LGR5: variants seen among roughly 807,000 people sequenced by gnomAD.
LGR5 encodes leucine-rich repeat-containing G protein-coupled receptor 5.
In LGR5, 54 loss-of-function variants were observed where a neutral mutation model predicts 76.7. That is an observed-to-expected ratio of 0.70 (90% CI 0.57 to 0.88). The LOEUF (loss-of-function observed/expected upper bound fraction) is 0.88, where lower values mean the gene tolerates loss of function less well. Among genes scored for constraint, LGR5 ranks in the 40% least tolerant of loss-of-function variants. The pLI is 0.00. For missense variants in LGR5, 1,078 were observed against 1,073.3 expected (o/e 1.00, Z -0.06); for synonymous variants, 406 against 421.9 (o/e 0.96, Z 0.46).
intron 4 of LGR5, among the ~76,000 whole-genome samples, chr12:71,540,091 T>C (rs1876798152): frequency 6.6e-6 from 1 of 152,352 alleles, no homozygotes; most frequent in South Asian, 2.1e-4. Flanking sequence ...AGTGATTTGA[T>C]GGAAACTCAA....
chr12:71,466,177 GT>G (rs1463429904), intron 1 of LGR5, among the ~76,000 whole-genome samples: 2 of 152,120 alleles, frequency 1.3e-5, no homozygotes, highest in African/African-American at 4.8e-5. Flanking sequence ...CAGTTTTTTT[GT>G]TTGTATTTTT....
chr12:71,476,623 AT>A (rs1224570214), intron 1 of LGR5, among the ~76,000 whole-genome samples: 1 of 152,170 alleles, frequency 6.6e-6, no homozygotes, highest in Non-Finnish European at 1.5e-5. Flanking sequence ...ATCTTGACAC[AT>A]TACCACAGCC....
In LGR5 at chr12:71,440,096, C is replaced by T. The variant is rs781084434; in HGVS notation, c.16C>T (p.Leu6Phe). MDTSRLGVLLSLPVLL... is the reference protein window; with the variant it reads MDTSRFGVLLSLPVLL... ...TTCGGGCACCATGGACACCTCCCGG[C>T]TCGGTGTGCTCCTGTCCTTGCCTGT... The change falls in exon 1 of 18, where the codon CTC (leucine) becomes TTC (phenylalanine). Residue 6 changes from leucine (L) to phenylalanine (F), a missense_variant. Physicochemically the swap from Leu to Phe is conservative, Grantham distance 22. Coordinates refer to ENST00000266674, the MANE Select transcript of LGR5 (RefSeq NM_003667.4). This position sits in a 1 kb window ranked among gnomAD's most constrained non-coding sequence, Gnocchi z 5.3. 2.5e-6 allele frequency: 4 copies of T among 1,604,160 alleles called. No individual in the cohort carries two copies. Among genetic ancestry groups the T allele is most frequent in the Non-Finnish European group, 3.4e-6 (4 of 1,179,892 alleles).
chr12:71,514,151 G>C (rs181944158), intron 2 of LGR5, among the ~76,000 whole-genome samples: 4 of 152,056 alleles, frequency 2.6e-5, no homozygotes, highest in African/African-American at 9.7e-5. Context: ...AAAGGGTAGA[G>C]GGTAGAAAAT....
At chr12:71,459,133 C>T (rs1872596844) in intron 1 of LGR5, among the ~76,000 whole-genome samples, 1 of 152,018 alleles carries the variant, frequency 6.6e-6, no homozygotes, top group Non-Finnish European at 1.5e-5. Flanking sequence ...GGCCTTAATG[C>T]AGTCCCTAAG....
intron 4 of LGR5, among the ~76,000 whole-genome samples, chr12:71,538,459 C>G (rs1876712171): frequency 6.6e-6 from 1 of 151,802 alleles, no homozygotes; most frequent in African/African-American, 2.4e-5. Context: ...TTCGAGGGTA[C>G]AGTGAGCCCT....
At chr12:71,453,404 T>C (rs746699484) in intron 1 of LGR5, among the ~76,000 whole-genome samples, 4 of 151,954 alleles carry the variant, frequency 2.6e-5, no homozygotes, top group African/African-American at 4.8e-5. Context: ...ACTCCTCAGA[T>C]AGAATTTAAT....
At chr12:71,566,547 A>G in intron 9 of LGR5, 72 bp downstream of exon 9, 1 of 1,524,812 alleles carries the variant, frequency 6.6e-7, no homozygotes. Context: ...TGAATATTAT[A>G]GGTTGAAGTG....
chr12:71,584,147 C>A lies in LGR5; in HGVS notation c.2137C>A (p.Leu713Met). ...GSKYGASPLC[L>M]PLPFGEPSTM... ...CAAGTATGGCGCCTCCCCTCTCTGC[C>A]TGCCTTTGCCTTTTGGGGAGCCCAG... is the stretch of plus-strand genomic sequence containing the variant. Residue 713 changes from leucine to methionine, a missense_variant, in exon 18 of 18, where the codon CTG (leucine) becomes ATG (methionine). Leu to Met is a conservative substitution (Grantham distance 15). Coordinates refer to ENST00000266674, the MANE Select transcript of LGR5 (RefSeq NM_003667.4). 9 of 1,614,216 alleles carry A rather than the reference C, an allele frequency of 5.6e-6. No homozygotes were observed. The highest frequency in any genetic ancestry group is 7.6e-6 in the Non-Finnish European group (9 of 1,180,040).
At chr12:71,547,246 AC>A (rs143945594) in intron 4 of LGR5, among the ~76,000 whole-genome samples, 3,159 of 152,304 alleles carry the variant, frequency 0.021, 117 homozygotes, top group African/African-American at 0.071. Context: ...TGCTGGCCTA[AC>A]ACAGAAGATG....
chr12:71,581,057 G>A (rs1334349130), intron 16 of LGR5, among the ~76,000 whole-genome samples: 1 of 152,126 alleles, frequency 6.6e-6, no homozygotes, highest in Non-Finnish European at 1.5e-5. Context: ...GCTTTTTAAA[G>A]GGTCTGTTTC....
chr12:71,503,464 T>C (rs1457457776), intron 1 of LGR5, among the ~76,000 whole-genome samples: 2 of 152,238 alleles, frequency 1.3e-5, no homozygotes, highest in Non-Finnish European at 2.9e-5. Flanking sequence ...ATATTTTCTC[T>C]TCTTTGCACA....
chr12:71,480,399 G>C (rs1873541858), intron 1 of LGR5, among the ~76,000 whole-genome samples: 1 of 151,628 alleles, frequency 6.6e-6, no homozygotes, highest in Admixed American at 6.6e-5. Flanking sequence ...GAACAAGTGG[G>C]ATGAAGCAGG....
chr12:71,556,336 C>A (rs78250848), intron 5 of LGR5, among the ~76,000 whole-genome samples: 2 of 145,192 alleles, frequency 1.4e-5, no homozygotes, highest in Admixed American at 6.7e-5. Flanking sequence ...AAAAAAAAAA[C>A]AGCCTTGAAA....
chr12:71,498,841 T>C (rs1874456982), intron 1 of LGR5, among the ~76,000 whole-genome samples: 1 of 152,114 alleles, frequency 6.6e-6, no homozygotes, highest in South Asian at 2.1e-4. Flanking sequence ...GTCCGAAGAA[T>C]CCCAGTTATT....
chr12:71,542,109 A>C (rs1565736687), intron 4 of LGR5, among the ~76,000 whole-genome samples: 2 of 152,210 alleles, frequency 1.3e-5, no homozygotes, highest in African/African-American at 2.4e-5. Context: ...TTCTCTGTGC[A>C]TTTAGTTGTC....
intron 8 of LGR5, 63 bp from the exon 9 acceptor site, chr12:71,566,341 G>T: frequency 9.6e-7 from 1 of 1,037,262 alleles, no homozygotes; most frequent in South Asian, 1.4e-5. Flanking sequence ...TTCAAATTTT[G>T]AACAGATATT....
In LGR5 at chr12:71,584,530, C is replaced by A; in HGVS notation, c.2520C>A (p.Val840=). 1 of 1,614,154 alleles carries A rather than the reference C, an allele frequency of 6.2e-7. No homozygotes were observed. The highest frequency in any genetic ancestry group is 8.5e-7 in the Non-Finnish European group (1 of 1,180,026). The change falls in exon 18 of 18, where the codon GTC becomes GTA. Residue 840 remains valine, a synonymous_variant. Transcript: ENST00000266674. ...TGAGCCTGAGAAAGCAAACCTACGT[C>A]TGGACAAGATCAAAACACCCAAGCT... ...DLVSLRKQTY[V]WTRSKHPSLM... is the part of the protein sequence containing the mutation.
At chr12:71,496,067 G>A (rs1874302302) in intron 1 of LGR5, among the ~76,000 whole-genome samples, 1 of 151,964 alleles carries the variant, frequency 6.6e-6, no homozygotes, top group Non-Finnish European at 1.5e-5. Flanking sequence ...ATGCCAAAAT[G>A]ACTAAAATAA....
Sources: gnomAD v4.1 joint callset for allele counts (sites outside exome capture counted in the v4.1 genomes callset) on GRCh38, gnomAD v4.1.1 for gene constraint, Gnocchi (gnomAD v3.1) non-coding constraint, MANE v1.5 for transcripts, NCBI Gene and HGNC (gene_info 2026-07-23, HGNC 2026-07-21) for gene names.